ARNT2: variants seen among roughly 807,000 people sequenced by gnomAD.
ARNT2 encodes ARNT protein 2.
ARNT2 carries 36 observed loss-of-function variants against 91.7 expected under a neutral mutation model. That is an observed-to-expected ratio of 0.39 (90% CI 0.30 to 0.52). The LOEUF (loss-of-function observed/expected upper bound fraction) is 0.52, where lower values mean the gene tolerates loss of function less well. Ranked by LOEUF, ARNT2 falls within the 20% of genes least tolerant of loss-of-function variation. The pLI, the probability that ARNT2 is intolerant of heterozygous loss-of-function variation, is 0.72. For synonymous variants in ARNT2, 365 were observed against 347.1 expected (o/e 1.05, Z -0.57); for missense variants, 775 against 939.3 (o/e 0.83, Z 2.29).
intron 11 of ARNT2, among the ~76,000 whole-genome samples, chr15:80,560,718 G>A (rs192029299): frequency 2.5e-4 from 38 of 152,360 alleles, no homozygotes; most frequent in Admixed American, 2.3e-3. Context: ...ACACAGAGAA[G>A]TCCCTCTTGG....
intron 5 of ARNT2, among the ~76,000 whole-genome samples, chr15:80,476,935 G>A (rs371970584): frequency 1.2e-4 from 19 of 152,178 alleles, no homozygotes; most frequent in African/African-American, 4.3e-4. Context: ...ATTGGATCAT[G>A]GGGGTGGGTT....
intron 8 of ARNT2, among the ~76,000 whole-genome samples, chr15:80,540,046 C>T (rs1417662927): frequency 1.1e-4 from 16 of 151,830 alleles, no homozygotes; most frequent in Admixed American, 6.6e-5. Flanking sequence ...GGTATTTATC[C>T]GAAGGAAAAG....
At chr15:80,533,425 C>G (rs920367512) in intron 8 of ARNT2, among the ~76,000 whole-genome samples, 33 of 152,078 alleles carry the variant, frequency 2.2e-4, no homozygotes, top group African/African-American at 7.0e-4. Flanking sequence ...GAGGAACGGT[C>G]AACACAAGCC....
At chr15:80,444,759 G>A (rs1236918595) in intron 1 of ARNT2, 1 of 149,722 alleles carries the variant, frequency 6.7e-6, no homozygotes, top group Non-Finnish European at 1.5e-5. Context: ...GTGTGTGTGT[G>A]GTGTGTCCAA....
chr15:80,510,093 G>C (rs1368328471), intron 6 of ARNT2, among the ~76,000 whole-genome samples: 2 of 152,220 alleles, frequency 1.3e-5, no homozygotes, highest in Non-Finnish European at 2.9e-5. Flanking sequence ...CAATGATTCA[G>C]GTGAGAAATG....
At chr15:80,543,850 C>T (rs1897950059) in intron 8 of ARNT2, among the ~76,000 whole-genome samples, 1 of 152,182 alleles carries the variant, frequency 6.6e-6, no homozygotes, top group Non-Finnish European at 1.5e-5. Context: ...AAGTGATTCT[C>T]CTGCCTCAGC....
In ARNT2 at chr15:80,549,866, A is replaced by T. The variant is rs943617095; in HGVS notation, c.878-1333A>T. Among the ~76,000 whole-genome samples the T allele has an allele frequency of 2.0e-5, 3 of 152,266 alleles. No individual in the cohort carries two copies. The South Asian group carries it at 6.2e-4, about 32-fold the overall frequency. On this transcript the variant is annotated intron_variant, in intron 8 of 18. Coordinates refer to ENST00000303329, the MANE Select transcript of ARNT2 (RefSeq NM_014862.4). The stretch of plus-strand genomic sequence containing the variant: ...TTCTAGGGATCCACTCCGAAAACGC[A>T]CTTCTGATGATAATAAAACACATAT...
At chr15:80,474,008 G>A (rs1287211007) in intron 4 of ARNT2, among the ~76,000 whole-genome samples, 2 of 152,156 alleles carry the variant, frequency 1.3e-5, no homozygotes, top group Non-Finnish European at 2.9e-5. Context: ...TTGGAAGGGT[G>A]GCCATGGATT....
chr15:80,492,355 C>T (rs973315622), intron 5 of ARNT2, among the ~76,000 whole-genome samples: 4 of 152,124 alleles, frequency 2.6e-5, no homozygotes, highest in Non-Finnish European at 1.5e-5. Context: ...TTGATTACTA[C>T]AGCTTTATCA....
intron 4 of ARNT2, among the ~76,000 whole-genome samples, chr15:80,472,771 AC>A (rs1279459651): frequency 6.6e-6 from 1 of 152,248 alleles, no homozygotes; most frequent in African/African-American, 2.4e-5. Context: ...AGACTGTTTA[AC>A]ATGGGCCTGA....
At chr15:80,498,561 C>G (rs147598102) in intron 5 of ARNT2, among the ~76,000 whole-genome samples, 4 of 152,328 alleles carry the variant, frequency 2.6e-5, no homozygotes, top group African/African-American at 9.6e-5. Flanking sequence ...ACAACCGTGC[C>G]TGCCATTAGG....
intron 11 of ARNT2, 81 bp from the exon 12 acceptor site, chr15:80,563,007 C>G (rs1567002439): frequency 2.0e-5 from 30 of 1,530,800 alleles, no homozygotes; most frequent in Non-Finnish European, 2.7e-5. Flanking sequence ...CTGCCGCAAC[C>G]CCACTGCCTG....
chr15:80,553,941 C>G (rs188108671), intron 10 of ARNT2, among the ~76,000 whole-genome samples: 2 of 152,154 alleles, frequency 1.3e-5, no homozygotes, highest in Admixed American at 6.5e-5. Flanking sequence ...TCCAAATTCA[C>G]CCCAACCTCT....
At chr15:80,426,835 A>C (rs1443163888) in intron 1 of ARNT2, among the ~76,000 whole-genome samples, 1 of 152,160 alleles carries the variant, frequency 6.6e-6, no homozygotes, top group Non-Finnish European at 1.5e-5. Flanking sequence ...TTCAATATCA[A>C]GGGGCCAGCT....
chr15:80,419,799 A>G (rs1895836290), intron 1 of ARNT2, among the ~76,000 whole-genome samples: 1 of 152,246 alleles, frequency 6.6e-6, no homozygotes, highest in Non-Finnish European at 1.5e-5. Context: ...GGGAATTTCC[A>G]TGGTATTTGG....
chr15:80,562,922 T>C, intron 11 of ARNT2, 166 bp from the exon 12 acceptor site: 1 of 739,752 alleles, frequency 1.4e-6, no homozygotes, highest in Non-Finnish European at 2.4e-6. Flanking sequence ...ACGGAGGAGT[T>C]CCCATTGCAA....
At position 80,517,629 on chromosome 15, in the gene ARNT2, GT is replaced by G. The variant is rs570738185; in HGVS notation, c.877+3238del. ...TGTACCACAATTTTTGAGTGTTCTG[GT>G]TTTTTTTTTTTTTCATTCTTTTTTT... On this transcript the variant is annotated intron_variant, in intron 8 of 18. Coordinates refer to ENST00000303329, the MANE Select transcript of ARNT2 (RefSeq NM_014862.4). Among the ~76,000 whole-genome samples, 1,287 of 132,948 alleles carry G rather than the reference GT, an allele frequency of 9.7e-3. 20 individuals carry two copies. Among genetic ancestry groups the G allele is most frequent in the Middle Eastern group, 0.035 (9 of 260 alleles). The allele number at this position is 132,948 out of a possible 152,430, so 87.2% of individuals were successfully genotyped here.
chr15:80,588,222 G>A (rs1893212568), intron 17 of ARNT2, among the ~76,000 whole-genome samples: 1 of 152,142 alleles, frequency 6.6e-6, no homozygotes, highest in African/African-American at 2.4e-5. Flanking sequence ...ACACCCCTCA[G>A]CACAGTCAGT....
intron 8 of ARNT2, among the ~76,000 whole-genome samples, chr15:80,545,159 A>G (rs1433891095): frequency 6.6e-6 from 1 of 152,188 alleles, no homozygotes; most frequent in East Asian, 1.9e-4. Context: ...CCATCTACTG[A>G]GCAGGAGAAC....
Sources: gnomAD v4.1 joint callset for allele counts (sites outside exome capture counted in the v4.1 genomes callset) on GRCh38, gnomAD v4.1.1 for gene constraint, MANE v1.5 for transcripts, NCBI Gene and HGNC (gene_info 2026-07-23, HGNC 2026-07-21) for gene names.